Variants in SLC25A17 observed in about 807,000 individuals in gnomAD.
SLC25A17 encodes the protein peroxisomal membrane protein PMP34.
In SLC25A17, 26 loss-of-function variants were observed where a neutral mutation model predicts 38.5. That is an observed-to-expected ratio of 0.68 (90% confidence interval 0.50 to 0.94). The LOEUF is 0.94. Among genes scored for constraint, SLC25A17 ranks in the 40% least tolerant of loss-of-function variants. The pLI, the probability that SLC25A17 is intolerant of heterozygous loss-of-function variation, is 0.00. For synonymous variants in SLC25A17, 139 were observed against 136.2 expected (o/e 1.02, Z -0.14); for missense variants, 333 against 372.7 (o/e 0.89, Z 0.88).
At chr22:40,799,187 A>AGGGGCATGGTT in intron 1 of SLC25A17, 104 bp from the exon 2 acceptor site, 2 of 731,966 alleles carry the variant, frequency 2.7e-6, no homozygotes, top group African/African-American at 3.5e-5. Context: ...GCTGGAGTGC[A>AGGGGCATGGTT]GTGGTTTACG....
At chr22:40,804,243 T>C (rs1048926354) in intron 1 of SLC25A17, among the ~76,000 whole-genome samples, 2 of 152,120 alleles carry the variant, frequency 1.3e-5, no homozygotes, top group Admixed American at 6.6e-5. Flanking sequence ...GGTTGAGGAA[T>C]GGTAGAGACA....
chr22:40,786,403 C>A (rs371806983), intron 4 of SLC25A17, among the ~76,000 whole-genome samples: 1 of 151,786 alleles, frequency 6.6e-6, no homozygotes, highest in African/African-American at 2.4e-5. Flanking sequence ...GAGGAAAGTA[C>A]GGTTACTTCG....
chr22:40,777,335 C>G lies in SLC25A17; in HGVS notation c.490G>C (p.Ala164Pro). Residue 164 changes from alanine to proline, a missense_variant, in exon 6 of 9, where the codon GCT becomes CCT. Ala to Pro is a conservative substitution (Grantham distance 27). Transcript: ENST00000435456. The part of the protein sequence containing the change: ...HQIIRDEGIS[A>P]LWNGTFPSLL... ...GAGGGAAATGTGCCATTCCATAAAGCCGAGATTCCTTCATCGCGAATGATC... is the reference window on the plus strand; with the variant it reads ...GAGGGAAATGTGCCATTCCATAAAGGCGAGATTCCTTCATCGCGAATGATC... 1 of 1,614,046 alleles carries G rather than the reference C, an allele frequency of 6.2e-7. No homozygotes were observed. The highest frequency in any genetic ancestry group is 1.1e-5 in the South Asian group (1 of 91,068).
intron 7 of SLC25A17, among the ~76,000 whole-genome samples, chr22:40,774,720 G>T (rs1215453146): frequency 6.6e-6 from 1 of 152,082 alleles, no homozygotes; most frequent in Admixed American, 6.6e-5. Flanking sequence ...CAGATTATGT[G>T]TTTACATTAT....
intron 1 of SLC25A17, among the ~76,000 whole-genome samples, chr22:40,818,971 C>A (rs1289359236): frequency 6.6e-6 from 1 of 152,182 alleles, no homozygotes; most frequent in Non-Finnish European, 1.5e-5. Context: ...GCTCTCTACC[C>A]CGCAGTCTCT....
chr22:40,808,875 C>T (rs987828369), intron 1 of SLC25A17, among the ~76,000 whole-genome samples: 6 of 152,270 alleles, frequency 3.9e-5, no homozygotes, highest in Admixed American at 2.6e-4. Context: ...TTGCCTTTCT[C>T]ATTCTTATTC....
chr22:40,807,754 A>C (rs1231302322), intron 1 of SLC25A17, among the ~76,000 whole-genome samples: 1 of 152,034 alleles, frequency 6.6e-6, no homozygotes, highest in Non-Finnish European at 1.5e-5. Flanking sequence ...ATCTCAAAAA[A>C]TAATAATAAT....
chr22:40,794,848 A>C (rs2057414876), intron 2 of SLC25A17, among the ~76,000 whole-genome samples: 1 of 151,968 alleles, frequency 6.6e-6, no homozygotes, highest in Non-Finnish European at 1.5e-5. Flanking sequence ...TGAACTCCTG[A>C]CCTCAAGTGA....
chr22:40,812,421 T>G (rs2057591805), intron 1 of SLC25A17, among the ~76,000 whole-genome samples: 1 of 152,176 alleles, frequency 6.6e-6, no homozygotes, highest in South Asian at 2.1e-4. Flanking sequence ...GTGTGCAATC[T>G]TATGGGAATA....
intron 4 of SLC25A17, among the ~76,000 whole-genome samples, chr22:40,788,377 T>C (rs1487400895): frequency 2.0e-5 from 3 of 152,284 alleles, no homozygotes; most frequent in Non-Finnish European, 4.4e-5. Context: ...TTTTGAAATA[T>C]AACCAAGATG....
Position 40,799,153 on chromosome 22 carries a change from A to G in SLC25A17, c.55-70T>C, listed in dbSNP as rs1003553413. On this transcript the variant is annotated intron_variant, in intron 1 of 8. Transcript: ENST00000435456. ...TAAGTCACAACTTTTTTTTTTTGAG[A>G]CAGGATCTTGCTCTGTCATCTAGGC... is the stretch of plus-strand genomic sequence containing the variant. The G allele has an allele frequency of 2.0e-5, 24 of 1,199,410 alleles. No homozygotes were observed. In the Admixed American group the frequency reaches 3.8e-4, roughly 19 times the overall value. 74.3% of individuals were successfully genotyped at this position (1,199,410 alleles called of 1,614,324 possible).
chr22:40,807,053 AC>A (rs2057536867), intron 1 of SLC25A17, among the ~76,000 whole-genome samples: 1 of 152,098 alleles, frequency 6.6e-6, no homozygotes, highest in African/African-American at 2.4e-5. Flanking sequence ...TTCAAGGTTC[AC>A]CCATCTTGTA....
intron 7 of SLC25A17, among the ~76,000 whole-genome samples, chr22:40,774,409 A>G (rs1038689849): frequency 6.6e-6 from 1 of 152,170 alleles, no homozygotes; most frequent in African/African-American, 2.4e-5. Context: ...TTTTTAGCAG[A>G]GATGTGGTTT....
intron 1 of SLC25A17, among the ~76,000 whole-genome samples, chr22:40,811,552 C>T (rs542399755): frequency 6.6e-6 from 1 of 151,988 alleles, no homozygotes; most frequent in African/African-American, 2.4e-5. Context: ...GCCTCAGACT[C>T]CTGAGTAGCT....
intron 7 of SLC25A17, among the ~76,000 whole-genome samples, chr22:40,774,439 G>C (rs2057220566): frequency 6.6e-6 from 1 of 152,150 alleles, no homozygotes; most frequent in South Asian, 2.1e-4. Context: ...GGCCAGGCTG[G>C]TCTCGAATTC....
chr22:40,773,846 G>T, intron 8 of SLC25A17, 91 bp downstream of exon 8: 1 of 904,002 alleles, frequency 1.1e-6, no homozygotes. Flanking sequence ...CACCACCAAG[G>T]CAGTAGTGTG....
At chr22:40,772,952 T>C (rs1040905771) in intron 8 of SLC25A17, among the ~76,000 whole-genome samples, 1 of 152,166 alleles carries the variant, frequency 6.6e-6, no homozygotes, top group African/African-American at 2.4e-5. Context: ...TATTTTATTT[T>C]AATAATAAAT....
At chr22:40,795,393 C>T (rs1384374822) in intron 2 of SLC25A17, among the ~76,000 whole-genome samples, 1 of 151,638 alleles carries the variant, frequency 6.6e-6, no homozygotes. Flanking sequence ...CCTGGGTTCA[C>T]GCCATTGTCC....
chr22:40,788,255 A>G (rs1160495137), intron 4 of SLC25A17, among the ~76,000 whole-genome samples: 1 of 152,234 alleles, frequency 6.6e-6, no homozygotes, highest in Non-Finnish European at 1.5e-5. Context: ...TGATTTTTAA[A>G]TGAATCTTTT....
Sources: allele counts gnomAD v4.1 joint callset (sites outside exome capture counted in the v4.1 genomes callset), GRCh38; gene constraint gnomAD v4.1.1; transcripts MANE v1.5; gene names NCBI Gene and HGNC (gene_info 2026-07-23, HGNC 2026-07-21).